Variants in MBNL2 observed in about 807,000 individuals in gnomAD.
MBNL2 encodes muscleblind-like protein 2.
A neutral mutation model predicts 41.9 loss-of-function variants in MBNL2; 17 were observed. The observed-to-expected ratio is 0.41, with a 90% CI of 0.28 to 0.61. The LOEUF (loss-of-function observed/expected upper bound fraction) is 0.61. Among genes scored for constraint, MBNL2 ranks in the 20% least tolerant of loss-of-function variants. MBNL2 has a pLI of 0.35. For synonymous variants in MBNL2, 195 were observed against 182.9 expected (o/e 1.07, Z -0.53); for missense variants, 336 against 505.6 (o/e 0.66, Z 3.22).
intron 5 of MBNL2, among the ~76,000 whole-genome samples, chr13:97,347,877 A>G (rs942284576): frequency 1.3e-5 from 2 of 152,256 alleles, no homozygotes; most frequent in Non-Finnish European, 2.9e-5. Flanking sequence ...GACCTCAGGG[A>G]ATCAGAATTT....
rs908044205 is a variant in MBNL2 at position 97,276,478 on chromosome 13, C to A, written c.174+69C>A. 1.7e-5 allele frequency: 24 copies of A among 1,398,288 alleles called. No homozygotes were observed. The African/African-American group carries it at 2.4e-4, about 14-fold the overall frequency. The allele number at this position is 1,398,288 out of a possible 1,614,324, so 86.6% of individuals were successfully genotyped here. Reference sequence around the variant, plus strand: ...ATTGCAAACAGAAGGCTTTTCATTGCATTTTTACAGAAGTTTAAAAATTGC... The same window carrying A: ...ATTGCAAACAGAAGGCTTTTCATTGAATTTTTACAGAAGTTTAAAAATTGC... On this transcript the variant is annotated intron_variant, in intron 2 of 8. Coordinates refer to ENST00000679496, the MANE Select transcript of MBNL2 (RefSeq NM_001382683.1).
chr13:97,178,566 A>G, the MBNL2 span, among the ~76,000 whole-genome samples: 1 of 152,196 alleles, frequency 6.6e-6, no homozygotes, highest in Non-Finnish European at 1.5e-5. Flanking sequence ...TAGCAGAGAG[A>G]ATCAATAGAA....
At chr13:97,256,300 C>G (rs2047507576) in intron 1 of MBNL2, among the ~76,000 whole-genome samples, 1 of 149,388 alleles carries the variant, frequency 6.7e-6, no homozygotes, top group Non-Finnish European at 1.5e-5. Flanking sequence ...AATTTATTGA[C>G]TTTAAGTAAA....
chr13:97,258,700 G>T (rs1594106209), intron 1 of MBNL2, among the ~76,000 whole-genome samples: 1 of 152,210 alleles, frequency 6.6e-6, no homozygotes, highest in Non-Finnish European at 1.5e-5. Flanking sequence ...ATCAGGTTCT[G>T]TGCTAGAATA....
intron 8 of MBNL2, among the ~76,000 whole-genome samples, chr13:97,382,223 T>C (rs1403647980): frequency 6.6e-6 from 1 of 152,250 alleles, no homozygotes; most frequent in Non-Finnish European, 1.5e-5. Flanking sequence ...AATTCAGTTC[T>C]CCTACAGAGA....
chr13:97,181,154 A>C, the MBNL2 span, among the ~76,000 whole-genome samples: 1 of 148,828 alleles, frequency 6.7e-6, no homozygotes. Flanking sequence ...GACCCTTCTG[A>C]CCTCCCTTTT....
At chr13:97,255,999 C>T (rs952266486) in intron 1 of MBNL2, among the ~76,000 whole-genome samples, 7 of 152,076 alleles carry the variant, frequency 4.6e-5, no homozygotes, top group Non-Finnish European at 7.4e-5. Context: ...TTCACCTACT[C>T]TACAAATGAC....
chr13:97,173,894 T>A, the MBNL2 span, among the ~76,000 whole-genome samples: 1 of 152,184 alleles, frequency 6.6e-6, no homozygotes, highest in South Asian at 2.1e-4. Flanking sequence ...TCCGGGTTGA[T>A]GTTAGGGCCC....
At chr13:97,330,771 G>T (rs1309521904) in intron 2 of MBNL2, among the ~76,000 whole-genome samples, 2 of 152,138 alleles carry the variant, frequency 1.3e-5, no homozygotes, top group African/African-American at 4.8e-5. Context: ...ATTGTTCACT[G>T]TGTCAAATAG....
At chr13:97,381,720 C>T (rs1434630355) in intron 8 of MBNL2, among the ~76,000 whole-genome samples, 4 of 151,666 alleles carry the variant, frequency 2.6e-5, no homozygotes, top group African/African-American at 7.3e-5. Flanking sequence ...GTTGCCAGTT[C>T]CTGTTCTTTA....
the MBNL2 span, among the ~76,000 whole-genome samples, chr13:97,213,492 T>C: frequency 1.3e-5 from 2 of 152,196 alleles, no homozygotes; most frequent in Admixed American, 1.3e-4. Flanking sequence ...ATCAAGGCTC[T>C]GAGAGGTCCT....
the MBNL2 span, among the ~76,000 whole-genome samples, chr13:97,189,340 A>C: frequency 2.0e-5 from 3 of 152,326 alleles, no homozygotes; most frequent in South Asian, 6.2e-4. Context: ...GGTGGAAATC[A>C]GTAAATGCCT....
At chr13:97,369,945 A>G (rs939379759) in intron 8 of MBNL2, among the ~76,000 whole-genome samples, 1 of 152,316 alleles carries the variant, frequency 6.6e-6, no homozygotes, top group Non-Finnish European at 1.5e-5. Flanking sequence ...TTAATAGACA[A>G]ATTATACCTA....
chr13:97,369,168 T>C (rs1290910758), intron 8 of MBNL2, among the ~76,000 whole-genome samples: 2 of 152,228 alleles, frequency 1.3e-5, no homozygotes, highest in East Asian at 3.9e-4. Flanking sequence ...GCAATTATTT[T>C]AGCATCCAGT....
intron 1 of MBNL2, among the ~76,000 whole-genome samples, chr13:97,273,168 C>T (rs2051437077): frequency 6.6e-6 from 1 of 152,176 alleles, no homozygotes; most frequent in Non-Finnish European, 1.5e-5. Context: ...GAGCATCTAC[C>T]TTGGGTCCTG....
At chr13:97,267,690 A>C (rs541176303) in intron 1 of MBNL2, among the ~76,000 whole-genome samples, 1 of 152,282 alleles carries the variant, frequency 6.6e-6, no homozygotes, top group Non-Finnish European at 1.5e-5. Flanking sequence ...TGTCTTTCCT[A>C]ATTCTCACAG....
intron 1 of MBNL2, among the ~76,000 whole-genome samples, chr13:97,262,632 T>C (rs1197390644): frequency 2.6e-5 from 4 of 152,202 alleles, no homozygotes; most frequent in African/African-American, 7.2e-5. Context: ...TCCATGGCCA[T>C]GAACTCCAAC....
intron 2 of MBNL2, among the ~76,000 whole-genome samples, chr13:97,284,773 T>C (rs1005789330): frequency 2.6e-5 from 4 of 152,226 alleles, no homozygotes; most frequent in African/African-American, 9.6e-5. Flanking sequence ...GAAGGAATGA[T>C]GACAAACTGG....
chr13:97,303,155 C>T (rs1156515566), intron 2 of MBNL2, among the ~76,000 whole-genome samples: 1 of 152,114 alleles, frequency 6.6e-6, no homozygotes, highest in Non-Finnish European at 1.5e-5. Flanking sequence ...GAAATCGTGT[C>T]CCAGTGAAGG....
Sources: gnomAD v4.1 joint callset for allele counts (sites outside exome capture counted in the v4.1 genomes callset) on GRCh38, gnomAD v4.1.1 for gene constraint, MANE v1.5 for transcripts, NCBI Gene and HGNC (gene_info 2026-07-23, HGNC 2026-07-21) for gene names.